PLEKHH2: variants seen among roughly 807,000 people sequenced by gnomAD.
PLEKHH2 encodes pleckstrin homology, MyTH4 and FERM domain containing H2.
A neutral mutation model predicts 187.9 loss-of-function variants in PLEKHH2; 129 were observed. The ratio of observed to expected loss-of-function variants is 0.69; its 90% confidence interval spans 0.59 to 0.79. PLEKHH2 has a LOEUF of 0.79. Ranked by LOEUF, PLEKHH2 falls within the 30% of genes least tolerant of loss-of-function variation. The pLI, the probability that PLEKHH2 is intolerant of heterozygous loss-of-function variation, is 0.00. For synonymous variants in PLEKHH2, 686 were observed against 605.6 expected, an observed-to-expected ratio of 1.13 and a Z score of -1.95; for missense variants, 2,076 against 1,751.2, an observed-to-expected ratio of 1.19 and a Z score of -3.31.
chr2:43,706,185 A>G, intron 9 of PLEKHH2, 137 bp from the exon 10 acceptor site: 1 of 684,656 alleles, frequency 1.5e-6, no homozygotes, highest in Non-Finnish European at 2.6e-6. Context: ...TCTGTAAAGT[A>G]GACTATACAG....
chr2:43,759,188 G>T (rs1186292254), intron 27 of PLEKHH2, among the ~76,000 whole-genome samples, 159 bp downstream of exon 27: 2 of 152,210 alleles, frequency 1.3e-5, no homozygotes, highest in Admixed American at 1.3e-4. Context: ...GGGCAGAAAA[G>T]CTTCTCTATC....
chr2:43,761,327 T>G (rs139923669), intron 27 of PLEKHH2, among the ~76,000 whole-genome samples: 269 of 152,224 alleles, frequency 1.8e-3, no homozygotes, highest in African/African-American at 6.2e-3. Context: ...TGGGTTTCAG[T>G]TGGGTTCTAG....
In PLEKHH2 at chr2:43,712,237, A is replaced by G. The variant is rs1200022766; in HGVS notation, c.2314A>G (p.Lys772Glu). The change falls in exon 15 of 30, where the codon AAA becomes GAA. Residue 772 changes from lysine (K) to glutamate (E), a missense_variant. Coordinates refer to ENST00000282406, the MANE Select transcript of PLEKHH2 (RefSeq NM_172069.4). The stretch of plus-strand genomic sequence containing the variant: ...CGTTGCATTCTAGTTGACCACTGAA[A>G]AACACACATACTATCTGACTGCAGA... ...NKQTVQLTTE[K>E]HTYYLTADSP... 1 of 1,612,908 alleles carries G rather than the reference A, an allele frequency of 6.2e-7. No individual in the cohort carries two copies. The highest frequency in any genetic ancestry group is 8.5e-7 in the Non-Finnish European group (1 of 1,179,042).
intron 4 of PLEKHH2, 47 bp from the exon 5 acceptor site, chr2:43,694,384 C>G: frequency 1.3e-6 from 2 of 1,507,984 alleles, no homozygotes. Context: ...CATTTCCAGA[C>G]CATTGAGTTT....
At chr2:43,654,192 G>A (rs1558423035) in intron 2 of PLEKHH2, among the ~76,000 whole-genome samples, 2 of 151,930 alleles carry the variant, frequency 1.3e-5, no homozygotes, top group Non-Finnish European at 2.9e-5. Flanking sequence ...GACATTTTAT[G>A]TTATTTATTT....
At chr2:43,691,334 T>C (rs1572563359) in intron 3 of PLEKHH2, among the ~76,000 whole-genome samples, 1 of 152,210 alleles carries the variant, frequency 6.6e-6, no homozygotes, top group African/African-American at 2.4e-5. Context: ...GATTTCCCAA[T>C]ATGGCTGAGC....
chr2:43,654,932 C>CG (rs1666676425), intron 2 of PLEKHH2, among the ~76,000 whole-genome samples: 1 of 151,960 alleles, frequency 6.6e-6, no homozygotes, highest in Non-Finnish European at 1.5e-5. Flanking sequence ...GAGGCTGAGG[C>CG]GGGGGTATTG....
intron 2 of PLEKHH2, among the ~76,000 whole-genome samples, chr2:43,674,223 T>C (rs940379539): frequency 6.6e-6 from 1 of 152,210 alleles, no homozygotes; most frequent in East Asian, 1.9e-4. Flanking sequence ...TGCATAGTTC[T>C]CTTAAGAGAA....
chr2:43,711,451 C>A, intron 14 of PLEKHH2: 1 of 971,822 alleles, frequency 1.0e-6, no homozygotes, highest in Non-Finnish European at 1.2e-6. Flanking sequence ...ATCACATGTT[C>A]GTTCCAATAA....
At chr2:43,690,678 G>T (rs1339261335) in intron 3 of PLEKHH2, among the ~76,000 whole-genome samples, 1 of 152,030 alleles carries the variant, frequency 6.6e-6, no homozygotes, top group Non-Finnish European at 1.5e-5. Flanking sequence ...AATCTGAAAC[G>T]TTGCTAAAAT....
chr2:43,726,124 CAAAAAAAAA>C, intron 16 of PLEKHH2, 139 bp from the exon 17 acceptor site: 1 of 459,058 alleles, frequency 2.2e-6, no homozygotes, highest in Non-Finnish European at 3.5e-6. Flanking sequence ...AACCCTGTCT[CAAAAAAAAA>C]AAAAAAAGGA....
intron 11 of PLEKHH2, among the ~76,000 whole-genome samples, chr2:43,708,101 G>A (rs927775217): frequency 5.3e-5 from 8 of 152,142 alleles, no homozygotes; most frequent in African/African-American, 1.9e-4. Flanking sequence ...TTCAAACTGT[G>A]TTCCATGGAA....
At chr2:43,730,308 T>C (rs1488208061) in intron 18 of PLEKHH2, among the ~76,000 whole-genome samples, 1 of 152,224 alleles carries the variant, frequency 6.6e-6, no homozygotes, top group Non-Finnish European at 1.5e-5. Context: ...AGTGTTTATA[T>C]ATTTTATGTG....
chr2:43,721,312 G>T (rs558194766), intron 16 of PLEKHH2, among the ~76,000 whole-genome samples: 103 of 152,218 alleles, frequency 6.8e-4, no homozygotes, highest in Middle Eastern at 3.4e-3. Flanking sequence ...TGGGTATTCT[G>T]TGTCACCTTT....
Position 43,678,942 on chromosome 2 carries a change from C to A in PLEKHH2, c.186+17C>A. Reference sequence around the variant, plus strand: ...TTTCAACAGGTAGAGTATAATTTTACTTTAAATTTTTTTTGCCTGTACTAC... The same window carrying A: ...TTTCAACAGGTAGAGTATAATTTTAATTTAAATTTTTTTTGCCTGTACTAC... On this transcript the variant is annotated intron_variant, in intron 3 of 29. Coordinates refer to ENST00000282406, the MANE Select transcript of PLEKHH2 (RefSeq NM_172069.4). 6.3e-7 allele frequency: 1 copy of A among 1,589,358 alleles called. No individual in the cohort carries two copies. Among genetic ancestry groups the A allele is most frequent in the Non-Finnish European group, 8.6e-7 (1 of 1,162,984 alleles).
At position 43,700,638 on chromosome 2, in the gene PLEKHH2, G is replaced by A. The variant is rs145347857; in HGVS notation, c.1650+30G>A. ...TTATATCACCGCATGTAACACATAC[G>A]CAGTAGTTTTTTTCTCAACACTTTT... On this transcript the variant is annotated intron_variant, in intron 8 of 29. Transcript: ENST00000282406. 6.8e-4 allele frequency: 1,066 copies of A among 1,562,422 alleles called. 8 individuals are homozygous for A. The African/African-American group carries it at 0.013, about 19-fold the overall frequency.
intron 19 of PLEKHH2, among the ~76,000 whole-genome samples, chr2:43,736,934 A>G (rs1484077026): frequency 6.6e-6 from 1 of 152,170 alleles, no homozygotes; most frequent in African/African-American, 2.4e-5. Context: ...GCATGTGTGT[A>G]TGTGCGGAAA....
intron 6 of PLEKHH2, among the ~76,000 whole-genome samples, chr2:43,696,659 T>G (rs1214336529): frequency 2.0e-5 from 3 of 152,118 alleles, no homozygotes; most frequent in Non-Finnish European, 2.9e-5. Flanking sequence ...CCCCATCTAC[T>G]TTTTTCTCAT....
intron 8 of PLEKHH2, among the ~76,000 whole-genome samples, chr2:43,703,347 C>G (rs576868822): frequency 1.3e-5 from 2 of 152,222 alleles, no homozygotes; most frequent in East Asian, 3.9e-4. Flanking sequence ...ACAAAATAAT[C>G]TACTTTTGGA....
Sources: gnomAD v4.1 joint callset for allele counts (sites outside exome capture counted in the v4.1 genomes callset) on GRCh38, gnomAD v4.1.1 for gene constraint, MANE v1.5 for transcripts, NCBI Gene and HGNC (gene_info 2026-07-23, HGNC 2026-07-21) for gene names.